Variants in CDH9 observed in about 807,000 individuals in gnomAD.
CDH9 encodes the protein cadherin 9.
In CDH9, 28 loss-of-function variants were observed where a neutral mutation model predicts 70.9. That is an observed-to-expected ratio of 0.40 (90% CI 0.29 to 0.54). The LOEUF is 0.54. Among genes scored for constraint, CDH9 ranks in the 20% least tolerant of loss-of-function variants. The pLI, the probability that CDH9 is intolerant of heterozygous loss-of-function variation, is 0.59. For missense variants in CDH9, 874 were observed against 984.4 expected, an observed-to-expected ratio of 0.89 and a Z score of 1.50; for synonymous variants, 409 against 343.1, an observed-to-expected ratio of 1.19 and a Z score of -2.12.
intron 5 of CDH9, among the ~76,000 whole-genome samples, chr5:26,905,311 T>G (rs1740926828): frequency 6.6e-6 from 1 of 152,042 alleles, no homozygotes; most frequent in African/African-American, 2.4e-5. Flanking sequence ...ACTGAAAGAG[T>G]GTTAACTGAT....
At chr5:26,982,511 T>C (rs1742415652) in intron 2 of CDH9, among the ~76,000 whole-genome samples, 1 of 152,110 alleles carries the variant, frequency 6.6e-6, no homozygotes, top group African/African-American at 2.4e-5. Context: ...TAATAAAGAA[T>C]AAAGATTTTT....
chr5:26,882,552 T>C (rs1277882816), intron 11 of CDH9, among the ~76,000 whole-genome samples: 1 of 152,076 alleles, frequency 6.6e-6, no homozygotes, highest in Admixed American at 6.6e-5. Context: ...ATAAGATTCA[T>C]TTTAAAAGAA....
chr5:26,963,428 ATTAT>A (rs1365909052), intron 2 of CDH9, among the ~76,000 whole-genome samples: 1 of 152,152 alleles, frequency 6.6e-6, no homozygotes, highest in Non-Finnish European at 1.5e-5. Flanking sequence ...TCAAATGCCA[ATTAT>A]ATCTGTTTTG....
chr5:27,005,594 G>A (rs1742849861), intron 1 of CDH9, among the ~76,000 whole-genome samples: 1 of 152,080 alleles, frequency 6.6e-6, no homozygotes, highest in South Asian at 2.1e-4. Flanking sequence ...AACTACTGTG[G>A]AAAGCAGGAT....
intron 7 of CDH9, among the ~76,000 whole-genome samples, chr5:26,891,904 G>T (rs1317603610): frequency 1.3e-5 from 2 of 152,100 alleles, no homozygotes; most frequent in African/African-American, 4.8e-5. Flanking sequence ...CAAGGAAACA[G>T]GGGCCTTCCC....
chr5:27,000,140 G>A (rs1561035284), intron 1 of CDH9, among the ~76,000 whole-genome samples: 1 of 151,850 alleles, frequency 6.6e-6, no homozygotes, highest in Non-Finnish European at 1.5e-5. Flanking sequence ...TATCTGATAA[G>A]GACTTTTATC....
At position 26,883,067 on chromosome 5, in the gene CDH9, AT is replaced by A. The variant is rs1477078787; in HGVS notation, c.1883-1445del. ...TATATATATATATATATATATATATATATATATATATATATATATATATATA... is the reference window on the plus strand; with the variant it reads ...TATATATATATATATATATATATATAATATATATATATATATATATATATA... On this transcript the variant is annotated intron_variant, in intron 11 of 11. Transcript: ENST00000231021. Among the ~76,000 whole-genome samples, 4 of 126,018 alleles carry A rather than the reference AT, an allele frequency of 3.2e-5. 1 individual carries two copies. Among genetic ancestry groups the A allele is most frequent in the African/African-American group, 1.2e-4 (4 of 33,238 alleles). The allele number at this position is 126,018 out of a possible 152,430, so 82.7% of individuals were successfully genotyped here. A position where few individuals can be genotyped will look rare whatever the true frequency, so the allele number is the denominator to read the frequency against.
At chr5:26,965,973 T>C (rs1225759691) in intron 2 of CDH9, among the ~76,000 whole-genome samples, 1 of 152,186 alleles carries the variant, frequency 6.6e-6, no homozygotes. Context: ...TTATGTTATA[T>C]TATATAGTAT....
At chr5:27,005,138 T>A (rs941449077) in intron 1 of CDH9, among the ~76,000 whole-genome samples, 1 of 152,114 alleles carries the variant, frequency 6.6e-6, no homozygotes, top group Non-Finnish European at 1.5e-5. Context: ...AATCTTTAAG[T>A]ATTATTAATG....
At chr5:26,918,177 G>A (rs965668267) in intron 2 of CDH9, among the ~76,000 whole-genome samples, 3 of 152,066 alleles carry the variant, frequency 2.0e-5, no homozygotes, top group Non-Finnish European at 4.4e-5. Context: ...CAGAAGGCCT[G>A]TTCTAGCTTT....
At chr5:27,013,343 T>G (rs968966595) in intron 1 of CDH9, among the ~76,000 whole-genome samples, 2 of 151,982 alleles carry the variant, frequency 1.3e-5, no homozygotes, top group African/African-American at 4.8e-5. Context: ...TGAGGTCTGG[T>G]GCTGCCTGAT....
intron 2 of CDH9, among the ~76,000 whole-genome samples, chr5:26,928,108 A>T (rs1741377920): frequency 1.3e-5 from 2 of 152,010 alleles, no homozygotes; most frequent in African/African-American, 4.8e-5. Context: ...TAAAGACCCC[A>T]CCAAAAAACT....
At chr5:26,993,563 A>G (rs1005649735) in intron 1 of CDH9, among the ~76,000 whole-genome samples, 8 of 152,018 alleles carry the variant, frequency 5.3e-5, no homozygotes, top group African/African-American at 1.9e-4. Context: ...TAGGGGTGTG[A>G]ACCATAGACT....
intron 1 of CDH9, among the ~76,000 whole-genome samples, chr5:26,992,883 G>C (rs1246034460): frequency 2.6e-5 from 4 of 152,074 alleles, no homozygotes; most frequent in African/African-American, 7.2e-5. Flanking sequence ...GATCACCTGA[G>C]GTCAGGAGTT....
intron 2 of CDH9, among the ~76,000 whole-genome samples, chr5:26,973,411 C>T (rs1175234): frequency 0.45 from 68,578 of 151,792 alleles, 17,045 homozygotes; most frequent in East Asian, 0.84. Context: ...CATTAGCTTA[C>T]AATCCCCTTT....
chr5:26,969,457 T>C (rs1262173525), intron 2 of CDH9, among the ~76,000 whole-genome samples: 1 of 152,126 alleles, frequency 6.6e-6, no homozygotes, highest in African/African-American at 2.4e-5. Flanking sequence ...GTTCATATGT[T>C]AATTGATCAG....
chr5:26,969,551 T>C (rs1742182853), intron 2 of CDH9, among the ~76,000 whole-genome samples: 1 of 152,106 alleles, frequency 6.6e-6, no homozygotes, highest in African/African-American at 2.4e-5. Flanking sequence ...AAGGAGCCTA[T>C]TTTTGTAGGT....
At position 27,020,728 on chromosome 5, in the gene CDH9, G is replaced by GCA. The variant is rs150359349; in HGVS notation, c.-50+17733_-50+17734dup. 9.1e-3 allele frequency among the ~76,000 whole-genome samples: 1,346 copies of GCA among 147,274 alleles called. 5 individuals carry two copies. Among genetic ancestry groups the GCA allele is most frequent in the South Asian group, 0.011 (53 of 4,654 alleles). ...TAAGAACATTTAAGAATTCACACAC[G>GCA]CACACACACACACACACACTATATA... On this transcript the variant is annotated intron_variant, in intron 1 of 11. Coordinates refer to ENST00000231021, the MANE Select transcript of CDH9 (RefSeq NM_016279.4).
rs575264853 is a variant in CDH9, at chr5:26,997,824, C to A, written c.-49-9442G>T. On this transcript the variant is annotated intron_variant, in intron 1 of 11. Coordinates refer to ENST00000231021, the MANE Select transcript of CDH9 (RefSeq NM_016279.4). The stretch of plus-strand genomic sequence containing the variant: ...AAGCGATCCTCCTGCCTCAGACTCT[C>A]AAGTAGCTGGAACTACAGGCACATG... Among the ~76,000 whole-genome samples, 25 of 152,076 alleles carry A rather than the reference C, an allele frequency of 1.6e-4. 1 individual carries two copies. The highest frequency in any genetic ancestry group is 1.3e-3 in the Admixed American group (20 of 15,284).
Sources: gnomAD v4.1 joint callset for allele counts (sites outside exome capture counted in the v4.1 genomes callset) on GRCh38, gnomAD v4.1.1 for gene constraint, MANE v1.5 for transcripts, NCBI Gene and HGNC (gene_info 2026-07-23, HGNC 2026-07-21) for gene names.